The following NNT variants were observed in gnomAD, a reference collection of about 807,000 sequenced individuals.
NNT encodes the protein nicotinamide nucleotide transhydrogenase, also known as NAD(P) transhydrogenase, mitochondrial.
A neutral mutation model predicts 104.8 loss-of-function variants in NNT; 50 were observed. The ratio of observed to expected loss-of-function variants is 0.48; its 90% CI spans 0.38 to 0.60. NNT has a LOEUF of 0.60. Among genes scored for constraint, NNT ranks in the 20% least tolerant of loss-of-function variants. NNT has a pLI of 0.00. For missense variants in NNT, 1,131 were observed against 1,330.7 expected, an observed-to-expected ratio of 0.85 and a Z score of 2.33; for synonymous variants, 461 against 490.4, an observed-to-expected ratio of 0.94 and a Z score of 0.79.
At chr5:43,651,266 G>T (rs10473317) in intron 12 of NNT, among the ~76,000 whole-genome samples, 1 of 151,980 alleles carries the variant, frequency 6.6e-6, no homozygotes, top group Non-Finnish European at 1.5e-5. Flanking sequence ...AATGGAACTG[G>T]CTTGAGTAAT....
At chr5:43,698,923 A>G (rs964331752) in intron 19 of NNT, among the ~76,000 whole-genome samples, 8 of 151,140 alleles carry the variant, frequency 5.3e-5, no homozygotes, top group African/African-American at 1.9e-4. Flanking sequence ...TATGTAGTCT[A>G]GTAATGGATT....
chr5:43,677,850 T>C, intron 19 of NNT, 44 bp downstream of exon 19: 1 of 1,468,748 alleles, frequency 6.8e-7, no homozygotes, highest in South Asian at 1.1e-5. Context: ...TGTAAAGATG[T>C]GTGTGTGGAG....
intron 7 of NNT, among the ~76,000 whole-genome samples, chr5:43,637,625 T>G (rs1279552412): frequency 6.6e-6 from 1 of 152,156 alleles, no homozygotes; most frequent in Non-Finnish European, 1.5e-5. Flanking sequence ...GGCTTCATCC[T>G]CAGTGCTGTG....
intron 7 of NNT, among the ~76,000 whole-genome samples, chr5:43,630,640 A>G (rs78997882): frequency 0.066 from 10,046 of 152,242 alleles, 562 homozygotes; most frequent in African/African-American, 0.15. Context: ...TCAGTGCATG[A>G]CTGATGTCAA....
intron 7 of NNT, among the ~76,000 whole-genome samples, chr5:43,639,436 C>T (rs1178435828): frequency 6.6e-6 from 1 of 152,108 alleles, no homozygotes; most frequent in Non-Finnish European, 1.5e-5. Context: ...ACCTGTGGTA[C>T]ACTTATTCAC....
chr5:43,672,725 G>A (rs1316727589), intron 17 of NNT, among the ~76,000 whole-genome samples: 2 of 151,114 alleles, frequency 1.3e-5, no homozygotes, highest in Admixed American at 6.6e-5. Context: ...AGGCTACTCA[G>A]GGGTCAGGGA....
intron 18 of NNT, 126 bp from the exon 19 acceptor site, chr5:43,677,599 T>G: frequency 1.3e-6 from 1 of 796,172 alleles, no homozygotes; most frequent in Non-Finnish European, 2.0e-6. Flanking sequence ...TTTGCTTTCA[T>G]TTCTAGTCCT....
intron 17 of NNT, among the ~76,000 whole-genome samples, chr5:43,664,445 C>T (rs1357784059): frequency 6.6e-6 from 1 of 152,106 alleles, no homozygotes; most frequent in East Asian, 1.9e-4. Context: ...TTAGTATCTA[C>T]AAAGCATTGA....
chr5:43,613,044 C>A lies in NNT; in HGVS notation c.288C>A (p.Gly96=), dbSNP rs763737481. Residue 96 remains glycine (G), a synonymous_variant, in exon 3 of 22, where the codon GGC becomes GGA. Transcript: ENST00000344920. ...ATGTTGTCGTGGAATCGGGTGCGGG[C>A]GAAGCTTCCAAGTTCTCAGATGATC... ...GFNVVVESGA[G]EASKFSDDHY... is the part of the protein sequence containing the mutation. The A allele has an allele frequency of 3.1e-6, 5 of 1,614,042 alleles. No individual in the cohort carries two copies. The highest frequency in any genetic ancestry group is 1.6e-4 in the Middle Eastern group (1 of 6,062).
intron 1 of NNT, among the ~76,000 whole-genome samples, chr5:43,605,893 G>GA (rs1170802395): frequency 6.6e-6 from 1 of 152,132 alleles, no homozygotes; most frequent in African/African-American, 2.4e-5. Flanking sequence ...ACTGATGTCT[G>GA]ATGCCCCTGC....
chr5:43,689,100 T>C lies in NNT; in HGVS notation c.2877-11019T>C, dbSNP rs370253662. ...CATTCTTGCAGGATTGAGGTGGTATTGCATTGAGGTTTGGTTTTCATTTCC... is the reference window on the plus strand; with the variant it reads ...CATTCTTGCAGGATTGAGGTGGTATCGCATTGAGGTTTGGTTTTCATTTCC... On this transcript the variant is annotated intron_variant, in intron 19 of 21. Coordinates refer to ENST00000344920, the MANE Select transcript of NNT (RefSeq NM_182977.3). Among the ~76,000 whole-genome samples, 36 of 152,342 alleles carry C rather than the reference T, an allele frequency of 2.4e-4. 1 individual carries two copies. Among genetic ancestry groups the C allele is most frequent in the African/African-American group, 8.7e-4 (36 of 41,586 alleles).
chr5:43,673,959 G>A (rs561053915), intron 17 of NNT, among the ~76,000 whole-genome samples: 1 of 151,434 alleles, frequency 6.6e-6, no homozygotes, highest in South Asian at 2.1e-4. Context: ...GGCGGAGGTT[G>A]CAGTGAGCTG....
At position 43,706,663 on chromosome 5, in the gene NNT, C is replaced by G. The variant is rs535618147; in HGVS notation, c.*2259C>G. The G allele has an allele frequency of 2.0e-5, 3 of 152,322 alleles. No individual in the cohort carries two copies. The highest frequency in any genetic ancestry group is 2.9e-5 in the Non-Finnish European group (2 of 68,040). The allele number at this position is 152,322 out of a possible 1,614,324, so 9.4% of individuals were successfully genotyped here. A position where few individuals can be genotyped will look rare whatever the true frequency, so the allele number is the denominator to read the frequency against. The stretch of plus-strand genomic sequence containing the variant: ...TATAAATCATGCTGCTATAAAGACA[C>G]ATGCACACGTATGTTTATTGCAGCA... On this transcript the variant is annotated 3_prime_UTR_variant, in exon 22 of 22. Transcript: ENST00000344920.
chr5:43,650,647 A>G (rs1033747437), intron 12 of NNT, 60 bp downstream of exon 12: 1 of 1,263,844 alleles, frequency 7.9e-7, no homozygotes, highest in Non-Finnish European at 1.2e-6. Context: ...AAGCAAATAT[A>G]AATCCATATA....
At chr5:43,675,756 T>G in intron 18 of NNT, 86 bp downstream of exon 18, 1 of 1,016,720 alleles carries the variant, frequency 9.8e-7, no homozygotes, top group Non-Finnish European at 1.3e-6. Context: ...AAAGTAGAAT[T>G]GAAACTTCTT....
chr5:43,658,148 GA>G (rs1221312051), intron 16 of NNT, among the ~76,000 whole-genome samples: 2 of 151,998 alleles, frequency 1.3e-5, no homozygotes, highest in Admixed American at 6.5e-5. Flanking sequence ...AAAAAAGAAA[GA>G]AAAAAAGATA....
chr5:43,700,865 A>G (rs1305487305), intron 20 of NNT, among the ~76,000 whole-genome samples: 1 of 152,240 alleles, frequency 6.6e-6, no homozygotes, highest in East Asian at 1.9e-4. Context: ...GCTGTTTATT[A>G]GAAAAAGTAT....
chr5:43,672,565 G>A (rs550734559), intron 17 of NNT, among the ~76,000 whole-genome samples: 2 of 152,218 alleles, frequency 1.3e-5, no homozygotes, highest in African/African-American at 4.8e-5. Flanking sequence ...GACCGTGTTT[G>A]CCTGGGTATC....
chr5:43,624,648 A>G (rs1050001259), intron 6 of NNT, among the ~76,000 whole-genome samples: 4 of 152,190 alleles, frequency 2.6e-5, no homozygotes, highest in Non-Finnish European at 4.4e-5. Context: ...GGGTGAAAGT[A>G]CTTGGTTATG....
Sources: gnomAD v4.1 joint callset for allele counts (sites outside exome capture counted in the v4.1 genomes callset) on GRCh38, gnomAD v4.1.1 for gene constraint, MANE v1.5 for transcripts, NCBI Gene and HGNC (gene_info 2026-07-23, HGNC 2026-07-21) for gene names.